Variants in TMEM114 observed in about 807,000 individuals in gnomAD.
TMEM114 encodes the protein claudin-26.
A neutral mutation model predicts 6.2 loss-of-function variants in TMEM114; 6 were observed. The ratio of observed to expected loss-of-function variants is 0.97; its 90% confidence interval spans 0.53 to 1.91. The LOEUF (loss-of-function observed/expected upper bound fraction) is 1.91, where lower values mean the gene tolerates loss of function less well. Among genes scored for constraint, TMEM114 ranks in the 40% most tolerant of loss-of-function variants. The pLI is 0.01. For missense variants in TMEM114, 218 were observed against 158.3 expected (o/e 1.38, Z -2.02); for synonymous variants, 104 against 73.0 (o/e 1.42, Z -2.16).
intron 2 of TMEM114, among the ~76,000 whole-genome samples, chr16:8,553,878 C>CTT (rs112276790): frequency 2.8e-5 from 4 of 144,728 alleles, no homozygotes; most frequent in Non-Finnish European, 4.6e-5. Flanking sequence ...TTTTCCTTTT[C>CTT]TTTTTTTTTT....
At chr16:8,529,765 AC>A in the TMEM114 span, among the ~76,000 whole-genome samples, 2 of 151,758 alleles carry the variant, frequency 1.3e-5, no homozygotes, top group Admixed American at 6.6e-5. Context: ...CTCAAGTCTC[AC>A]CCCCAGAAAT....
At chr16:8,553,586 C>T (rs567082278) in intron 2 of TMEM114, among the ~76,000 whole-genome samples, 3 of 152,120 alleles carry the variant, frequency 2.0e-5, no homozygotes, top group African/African-American at 4.8e-5. Context: ...CCTGGGTTCA[C>T]GCCATTCTCC....
chr16:8,573,566 A>G (rs1901808333), intron 2 of TMEM114, among the ~76,000 whole-genome samples: 1 of 150,432 alleles, frequency 6.6e-6, no homozygotes, highest in Non-Finnish European at 1.5e-5. Context: ...AAGGGAAACA[A>G]GTGCAAAGTT....
At chr16:8,578,048 C>A (rs1394001693) in intron 2 of TMEM114, among the ~76,000 whole-genome samples, 2 of 152,222 alleles carry the variant, frequency 1.3e-5, no homozygotes, top group East Asian at 3.9e-4. Context: ...ACAGAGTAGA[C>A]AGGAAGCAAG....
intron 2 of TMEM114, among the ~76,000 whole-genome samples, chr16:8,552,267 C>T (rs1268542907): frequency 6.6e-6 from 1 of 151,836 alleles, no homozygotes; most frequent in African/African-American, 2.4e-5. Flanking sequence ...GCCTATAGTC[C>T]CAGCTACTAC....
rs1449208165 is a variant in TMEM114, at chr16:8,543,445, C to CATCAT, written n.213-5620_213-5619insATGAT. Among the ~76,000 whole-genome samples, 252 of 74,332 alleles carry CATCAT rather than the reference C, an allele frequency of 3.4e-3. 2 individuals are homozygous for CATCAT. Among genetic ancestry groups the CATCAT allele is most frequent in the African/African-American group, 0.012 (240 of 19,406 alleles). 48.8% of individuals were successfully genotyped at this position (74,332 alleles called of 152,430 possible). ...TGCCCCAGTGTGACTGAGTCACTTGCGTCATGCAATGGTGCACCTTGCATC... is the reference window on the plus strand; with the variant it reads ...TGCCCCAGTGTGACTGAGTCACTTGCATCATGTCATGCAATGGTGCACCTTGCATC... On this transcript the variant is annotated intron_variant and non_coding_transcript_variant, in intron 2 of 2. Coordinates refer to the TMEM114 transcript ENST00000623677.
intron 2 of TMEM114, among the ~76,000 whole-genome samples, chr16:8,580,997 C>G (rs1219682031): frequency 6.6e-6 from 1 of 152,116 alleles, no homozygotes; most frequent in Non-Finnish European, 1.5e-5. Context: ...CAGCCTTTAT[C>G]ATACTTTAAC....
At chr16:8,557,572 A>T (rs1901055101) in intron 2 of TMEM114, among the ~76,000 whole-genome samples, 1 of 152,152 alleles carries the variant, frequency 6.6e-6, no homozygotes, top group Admixed American at 6.5e-5. Context: ...TGGCCACTAC[A>T]TCTTGGGTAA....
chr16:8,556,004 C>A (rs1301464044), intron 2 of TMEM114, among the ~76,000 whole-genome samples: 1 of 152,206 alleles, frequency 6.6e-6, no homozygotes, highest in African/African-American at 2.4e-5. Context: ...TTACTATCTA[C>A]TCCCCTCCTT....
At chr16:8,563,846 G>A (rs1324326096) in intron 2 of TMEM114, among the ~76,000 whole-genome samples, 1 of 135,468 alleles carries the variant, frequency 7.4e-6, no homozygotes, top group African/African-American at 2.8e-5. Flanking sequence ...AGGGAGGGAG[G>A]GAGGGAGGGA....
chr16:8,547,298 C>G (rs556833697), intron 2 of TMEM114, among the ~76,000 whole-genome samples: 2 of 152,126 alleles, frequency 1.3e-5, no homozygotes, highest in African/African-American at 2.4e-5. Flanking sequence ...AGCAAGAACT[C>G]TAGACCAGAT....
the TMEM114 span, among the ~76,000 whole-genome samples, chr16:8,527,920 T>G: frequency 3.3e-5 from 5 of 152,194 alleles, no homozygotes. Flanking sequence ...ATTTGTTTGT[T>G]TGTTTTAGAC....
rs150975894 is a variant in TMEM114, at chr16:8,576,405, G to A, written c.302-4181C>T. On this transcript the variant is annotated intron_variant, in intron 2 of 3. Transcript: ENST00000620492. Reference sequence around the variant, plus strand: ...CACCCCACAGCTCCCCATGGAGTGTGTTCTCCTTTGCTGCACTGAGTAATA... The same window carrying A: ...CACCCCACAGCTCCCCATGGAGTGTATTCTCCTTTGCTGCACTGAGTAATA... Among the ~76,000 whole-genome samples the A allele has an allele frequency of 2.0e-5, 3 of 152,320 alleles. No individual in the cohort carries two copies. The East Asian group carries it at 5.8e-4, about 29-fold the overall frequency.
At chr16:8,529,151 G>C in the TMEM114 span, among the ~76,000 whole-genome samples, 16,743 of 152,186 alleles carry the variant, frequency 0.11, 967 homozygotes, top group East Asian at 0.17. Context: ...AAGCAAGGAT[G>C]ACCAAAAATC....
At chr16:8,576,992 C>G (rs1202163795) in intron 2 of TMEM114, among the ~76,000 whole-genome samples, 1 of 152,340 alleles carries the variant, frequency 6.6e-6, no homozygotes, top group Non-Finnish European at 1.5e-5. Flanking sequence ...TCCACATGAT[C>G]ATAGACCTTC....
chr16:8,565,241 G>C (rs1181240174), downstream of TMEM114, among the ~76,000 whole-genome samples: 1 of 152,142 alleles, frequency 6.6e-6, no homozygotes. Flanking sequence ...ATGAAGCATG[G>C]GACAGGTATA....
downstream of TMEM114, among the ~76,000 whole-genome samples, chr16:8,565,792 T>C (rs931238509): frequency 1.3e-5 from 2 of 152,162 alleles, no homozygotes; most frequent in Non-Finnish European, 2.9e-5. Context: ...AACATAACAA[T>C]GCCCAGGTCC....
At chr16:8,535,110 C>G (rs113599163), downstream of TMEM114, among the ~76,000 whole-genome samples, 675 of 152,274 alleles carry the variant, frequency 4.4e-3, 1 homozygote, top group East Asian at 0.035. Context: ...TGAGTGTCCT[C>G]TGTGCCTAGT....
chr16:8,552,510 A>C (rs983886944), intron 2 of TMEM114, among the ~76,000 whole-genome samples: 1 of 149,930 alleles, frequency 6.7e-6, no homozygotes, highest in Non-Finnish European at 1.5e-5. Context: ...ACAAAACTGC[A>C]CACACACACA....
Sources: gnomAD v4.1 joint callset for allele counts (sites outside exome capture counted in the v4.1 genomes callset) on GRCh38, gnomAD v4.1.1 for gene constraint, MANE v1.5 for transcripts, NCBI Gene and HGNC (gene_info 2026-07-23, HGNC 2026-07-21) for gene names.